The following CREB5 variants were observed in gnomAD, a reference collection of about 807,000 sequenced individuals.
The protein encoded by CREB5 is cyclic AMP-responsive element-binding protein 5.
In CREB5, 19 loss-of-function variants were observed where a neutral mutation model predicts 57.1. That is an observed-to-expected ratio of 0.33 (90% CI 0.23 to 0.49). The LOEUF is 0.49. CREB5 is among the 20% of genes least tolerant of loss of function. The probability of loss-of-function intolerance (pLI) is 0.99; values close to 1 mark genes in which losing one functional copy is unlikely to be tolerated. For missense variants in CREB5, 579 were observed against 671.6 expected (o/e 0.86, Z 1.52); for synonymous variants, 238 against 238.3 (o/e 1.00, Z 0.01).
chr7:28,618,746 C>T (rs186541078), intron 5 of CREB5, among the ~76,000 whole-genome samples: 2 of 152,318 alleles, frequency 1.3e-5, no homozygotes, highest in Non-Finnish European at 1.5e-5. Context: ...TAGACAACAC[C>T]CCCAACCCCT....
intron 1 of CREB5, among the ~76,000 whole-genome samples, chr7:28,397,710 G>A (rs543358252): frequency 3.3e-5 from 5 of 152,132 alleles, no homozygotes; most frequent in Admixed American, 6.5e-5. Flanking sequence ...AACAGGATCC[G>A]TACTCCTAAA....
At chr7:28,581,445 G>A (rs369782968) in intron 5 of CREB5, among the ~76,000 whole-genome samples, 1 of 152,290 alleles carries the variant, frequency 6.6e-6, no homozygotes, top group Non-Finnish European at 1.5e-5. Context: ...TCTTCCAGAC[G>A]TTATTTTTCC....
chr7:28,722,634 G>C (rs1358236648), intron 6 of CREB5, among the ~76,000 whole-genome samples: 1 of 152,102 alleles, frequency 6.6e-6, no homozygotes, highest in East Asian at 1.9e-4. Flanking sequence ...AGAGATTTAG[G>C]GGGGTGCGTG....
chr7:28,735,553 T>TAAC (rs1803925199), intron 7 of CREB5, among the ~76,000 whole-genome samples: 1 of 152,200 alleles, frequency 6.6e-6, no homozygotes, highest in Non-Finnish European at 1.5e-5. Flanking sequence ...GCAAGAAAGT[T>TAAC]AAACAGAAAA....
chr7:28,359,514 C>G (rs1786417941), intron 1 of CREB5, among the ~76,000 whole-genome samples: 1 of 152,112 alleles, frequency 6.6e-6, no homozygotes, highest in Admixed American at 6.5e-5. Flanking sequence ...ACTGGATATC[C>G]ATGTACAGAA....
At chr7:28,480,996 A>C (rs1195676416) in intron 1 of CREB5, among the ~76,000 whole-genome samples, 1 of 152,260 alleles carries the variant, frequency 6.6e-6, no homozygotes, top group East Asian at 1.9e-4. Context: ...AGAAAGAGGA[A>C]TCTAACATAT....
chr7:28,449,079 C>G (rs1789651204), intron 1 of CREB5, among the ~76,000 whole-genome samples: 1 of 130,922 alleles, frequency 7.6e-6, no homozygotes, highest in Non-Finnish European at 1.8e-5. Flanking sequence ...GTTCAAGTTT[C>G]TTCTTCTTCT....
intron 1 of CREB5, among the ~76,000 whole-genome samples, chr7:28,325,089 CAATT>C (rs1207413925): frequency 7.2e-5 from 11 of 152,326 alleles, no homozygotes; most frequent in Non-Finnish European, 1.2e-4. Flanking sequence ...AATAACTTCT[CAATT>C]AATTTCTTTG....
chr7:28,321,345 T>A (rs1785492332), intron 1 of CREB5, among the ~76,000 whole-genome samples: 1 of 152,176 alleles, frequency 6.6e-6, no homozygotes, highest in Non-Finnish European at 1.5e-5. Flanking sequence ...GCTGGCTATA[T>A]AATTTGTCGA....
At chr7:28,584,780 TA>T (rs57520355) in intron 5 of CREB5, among the ~76,000 whole-genome samples, 22,186 of 145,480 alleles carry the variant, frequency 0.15, 1,839 homozygotes, top group East Asian at 0.33. Flanking sequence ...GAATCGTGGT[TA>T]AAAAAAAAAA....
chr7:28,673,655 C>CTTT (rs1800163775), intron 5 of CREB5, among the ~76,000 whole-genome samples: 4 of 130,760 alleles, frequency 3.1e-5, no homozygotes, highest in Non-Finnish European at 6.3e-5. Flanking sequence ...TTCTCTCTCT[C>CTTT]TCTTTTTTTT....
At chr7:28,733,435 A>T (rs1296994398) in intron 7 of CREB5, among the ~76,000 whole-genome samples, 1 of 152,158 alleles carries the variant, frequency 6.6e-6, no homozygotes, top group Non-Finnish European at 1.5e-5. Flanking sequence ...ACCCCCTCTC[A>T]GGAGCCCGGC....
chr7:28,395,662 C>T (rs1006157451), intron 1 of CREB5, among the ~76,000 whole-genome samples: 9 of 152,120 alleles, frequency 5.9e-5, no homozygotes, highest in African/African-American at 1.4e-4. Context: ...AGAGAACATC[C>T]GAAACAGGCC....
At chr7:28,641,599 A>G (rs1583465269) in intron 5 of CREB5, among the ~76,000 whole-genome samples, 1 of 148,454 alleles carries the variant, frequency 6.7e-6, no homozygotes, top group East Asian at 1.9e-4. Context: ...TGCTTCAGGG[A>G]AAAAACAAAA....
chr7:28,518,180 C>G (rs1165869039), intron 4 of CREB5, among the ~76,000 whole-genome samples: 4 of 152,152 alleles, frequency 2.6e-5, no homozygotes, highest in Non-Finnish European at 5.9e-5. Flanking sequence ...AATACACCAT[C>G]TGTTCTAAGA....
At chr7:28,327,339 T>C (rs1221127190) in intron 1 of CREB5, among the ~76,000 whole-genome samples, 2 of 152,166 alleles carry the variant, frequency 1.3e-5, no homozygotes, top group South Asian at 2.1e-4. Flanking sequence ...CATTTTGTCA[T>C]GTACCTCAGA....
intron 4 of CREB5, among the ~76,000 whole-genome samples, chr7:28,532,525 C>T (rs1026699080): frequency 1.3e-5 from 2 of 152,176 alleles, no homozygotes; most frequent in African/African-American, 4.8e-5. Context: ...ACAGTGTCAT[C>T]GTGACAACTT....
intron 7 of CREB5, among the ~76,000 whole-genome samples, chr7:28,796,356 G>A (rs1363333517): frequency 6.6e-6 from 1 of 152,132 alleles, no homozygotes; most frequent in Non-Finnish European, 1.5e-5. Flanking sequence ...TGTAGAATAT[G>A]TCCGTGTTTC....
chr7:28,723,352 C>T (rs1268185309), intron 6 of CREB5, among the ~76,000 whole-genome samples: 2 of 152,164 alleles, frequency 1.3e-5, no homozygotes, highest in Non-Finnish European at 2.9e-5. Context: ...TTGCCGTATT[C>T]GCTTCTTAGT....
Sources: allele counts gnomAD v4.1 joint callset (sites outside exome capture counted in the v4.1 genomes callset), GRCh38; gene constraint gnomAD v4.1.1; transcripts MANE v1.5; gene names NCBI Gene and HGNC (gene_info 2026-07-23, HGNC 2026-07-21).